Variants in RAPGEF4 observed in about 807,000 individuals in gnomAD.
RAPGEF4 encodes RAP guanine-nucleotide-exchange factor (GEF) 4.
A neutral mutation model predicts 147.9 loss-of-function variants in RAPGEF4; 66 were observed. The observed-to-expected ratio is 0.45, with a 90% CI of 0.37 to 0.55. The LOEUF (loss-of-function observed/expected upper bound fraction) is 0.55. RAPGEF4 is among the 20% of genes least tolerant of loss of function. The probability of loss-of-function intolerance (pLI) is 0.00; values close to 1 mark genes in which losing one functional copy is unlikely to be tolerated. For missense variants in RAPGEF4, 1,071 were observed against 1,257.3 expected (o/e 0.85, Z 2.24); for synonymous variants, 419 against 442.7 (o/e 0.95, Z 0.67).
rs1426422743 is a variant in RAPGEF4 at position 172,761,778 on chromosome 2, A to G, written c.65+25730A>G. On this transcript the variant is annotated intron_variant, in intron 1 of 30. Coordinates refer to ENST00000397081, the MANE Select transcript of RAPGEF4 (RefSeq NM_007023.4). ...TACAAGGAGATCAGTGGGTGCTAGA[A>G]TGGGTAACTCTCAATGCAAGTGCCC... is the stretch of plus-strand genomic sequence containing the variant. 1.5e-4 allele frequency among the ~76,000 whole-genome samples: 23 copies of G among 152,308 alleles called. 1 individual carries two copies. Among genetic ancestry groups the G allele is most frequent in the Admixed American group, 1.4e-3 (22 of 15,300 alleles).
At chr2:173,008,565 A>G (rs1694721426) in intron 17 of RAPGEF4, among the ~76,000 whole-genome samples, 1 of 152,192 alleles carries the variant, frequency 6.6e-6, no homozygotes. Context: ...AAACAACAAC[A>G]TTGAAGAGTA....
At chr2:172,773,519 G>A (rs908356823) in intron 1 of RAPGEF4, among the ~76,000 whole-genome samples, 1 of 152,044 alleles carries the variant, frequency 6.6e-6, no homozygotes, top group African/African-American at 2.4e-5. Flanking sequence ...ACAAAGGTCT[G>A]GAATCTTACT....
intron 5 of RAPGEF4, among the ~76,000 whole-genome samples, chr2:172,919,147 C>T (rs1684430745): frequency 6.6e-6 from 1 of 152,110 alleles, no homozygotes; most frequent in Admixed American, 6.5e-5. Flanking sequence ...GAGTTGCAAT[C>T]CCAGCAATGC....
At chr2:172,877,082 C>T (rs1449548687) in intron 4 of RAPGEF4, among the ~76,000 whole-genome samples, 1 of 152,054 alleles carries the variant, frequency 6.6e-6, no homozygotes, top group Non-Finnish European at 1.5e-5. Context: ...TTTTGCAGCA[C>T]TATTCACAAC....
chr2:172,852,526 A>G (rs889469409), intron 4 of RAPGEF4, among the ~76,000 whole-genome samples: 10 of 152,256 alleles, frequency 6.6e-5, no homozygotes, highest in African/African-American at 2.2e-4. Flanking sequence ...TACTAGTGTT[A>G]CCCTGTTTCA....
At chr2:172,954,692 G>T (rs1447461269) in intron 6 of RAPGEF4, among the ~76,000 whole-genome samples, 2 of 152,132 alleles carry the variant, frequency 1.3e-5, no homozygotes, top group African/African-American at 4.8e-5. Flanking sequence ...ACATTTCAAA[G>T]ATCTTAGTTA....
At chr2:172,999,245 A>T (rs938147122) in intron 16 of RAPGEF4, among the ~76,000 whole-genome samples, 1 of 152,138 alleles carries the variant, frequency 6.6e-6, no homozygotes, top group African/African-American at 2.4e-5. Context: ...GTTTTTCCTG[A>T]TATTTTTTTC....
chr2:172,767,075 GTT>G (rs1696916558), intron 1 of RAPGEF4, among the ~76,000 whole-genome samples: 1 of 151,880 alleles, frequency 6.6e-6, no homozygotes, highest in Non-Finnish European at 1.5e-5. Context: ...AAAAGTCATA[GTT>G]TTTTATATAC....
At chr2:172,828,616 G>C (rs1170712623) in intron 4 of RAPGEF4, among the ~76,000 whole-genome samples, 1 of 152,160 alleles carries the variant, frequency 6.6e-6, no homozygotes, top group Non-Finnish European at 1.5e-5. Context: ...CAAACTCTTG[G>C]TGAAAGTCTT....
At chr2:172,812,651 A>G (rs1220065026) in intron 3 of RAPGEF4, among the ~76,000 whole-genome samples, 1 of 152,208 alleles carries the variant, frequency 6.6e-6, no homozygotes, top group East Asian at 1.9e-4. Flanking sequence ...GTTCTTTTGC[A>G]TTATACTTCG....
At chr2:172,956,482 T>G (rs1206102806) in intron 6 of RAPGEF4, among the ~76,000 whole-genome samples, 1 of 150,752 alleles carries the variant, frequency 6.6e-6, no homozygotes, top group African/African-American at 2.4e-5. Flanking sequence ...CTTTTTTTTT[T>G]TTTTTGAGAT....
chr2:172,765,709 T>A (rs1696770868), intron 1 of RAPGEF4, among the ~76,000 whole-genome samples: 1 of 152,228 alleles, frequency 6.6e-6, no homozygotes, highest in South Asian at 2.1e-4. Flanking sequence ...ACATCAGATA[T>A]GGGTACATCC....
At chr2:172,981,559 AG>A (rs1691686104) in intron 10 of RAPGEF4, among the ~76,000 whole-genome samples, 1 of 152,240 alleles carries the variant, frequency 6.6e-6, no homozygotes, top group African/African-American at 2.4e-5. Context: ...GACCTTTAGC[AG>A]GAGGTGAACC....
intron 17 of RAPGEF4, among the ~76,000 whole-genome samples, chr2:173,011,163 C>CGCGCGCGT (rs1559182900): frequency 4.8e-5 from 4 of 83,188 alleles, no homozygotes; most frequent in African/African-American, 1.9e-4. Flanking sequence ...AACTTCAGCG[C>CGCGCGCGT]GCGCGCGCAC....
intron 1 of RAPGEF4, among the ~76,000 whole-genome samples, chr2:172,756,485 C>A (rs146961440): frequency 4.2e-4 from 64 of 152,344 alleles, no homozygotes; most frequent in African/African-American, 1.5e-3. Flanking sequence ...ATCTGCCATA[C>A]CTATTCTGCT....
At chr2:173,036,804 C>T (rs1684079409) in intron 29 of RAPGEF4, 112 bp downstream of exon 29, 3 of 658,374 alleles carry the variant, frequency 4.6e-6, no homozygotes, top group South Asian at 2.6e-5. Flanking sequence ...AAGGTAGTTA[C>T]ACATAAAGGA....
At chr2:172,790,323 G>C (rs1190194646) in intron 1 of RAPGEF4, among the ~76,000 whole-genome samples, 5 of 152,258 alleles carry the variant, frequency 3.3e-5, no homozygotes, top group Non-Finnish European at 7.4e-5. Context: ...CCAAGTTGTA[G>C]AGGTTGTAAA....
intron 4 of RAPGEF4, among the ~76,000 whole-genome samples, chr2:172,873,373 A>C (rs187620891): frequency 6.6e-6 from 1 of 152,342 alleles, no homozygotes; most frequent in East Asian, 1.9e-4. Context: ...ATTAGAGAAT[A>C]CTTTGAAAGC....
At chr2:173,001,891 A>C (rs897994459) in intron 17 of RAPGEF4, among the ~76,000 whole-genome samples, 1 of 150,846 alleles carries the variant, frequency 6.6e-6, no homozygotes, top group Non-Finnish European at 1.5e-5. Flanking sequence ...AGCATTGAGG[A>C]TTACATTTCA....
Sources: gnomAD v4.1 joint callset for allele counts (sites outside exome capture counted in the v4.1 genomes callset) on GRCh38, gnomAD v4.1.1 for gene constraint, MANE v1.5 for transcripts, NCBI Gene and HGNC (gene_info 2026-07-23, HGNC 2026-07-21) for gene names.